Variants in CDC27 observed in about 807,000 individuals in gnomAD.
CDC27 encodes cell division cycle 27.
A neutral mutation model predicts 109.7 loss-of-function variants in CDC27; 27 were observed. The observed-to-expected ratio is 0.25, with a 90% CI of 0.18 to 0.34. CDC27 has a LOEUF of 0.34. Ranked by LOEUF, CDC27 falls within the 10% of genes least tolerant of loss-of-function variation. The probability of loss-of-function intolerance (pLI) is 1.00; values close to 1 mark genes in which losing one functional copy is unlikely to be tolerated. For synonymous variants in CDC27, 266 were observed against 333.9 expected (o/e 0.80, Z 2.22); for missense variants, 579 against 960.2 (o/e 0.60, Z 5.25).
chr17:47,133,700 T>C (rs991062864), intron 14 of CDC27, among the ~76,000 whole-genome samples: 4 of 152,076 alleles, frequency 2.6e-5, no homozygotes, highest in African/African-American at 9.7e-5. Context: ...GGCCTCGGCC[T>C]CCCAAAGTGG....
chr17:47,170,167 T>A, intron 3 of CDC27, 125 bp from the exon 4 acceptor site: 1 of 587,716 alleles, frequency 1.7e-6, no homozygotes, highest in Non-Finnish European at 2.8e-6. Flanking sequence ...CTCTCTTTCC[T>A]TTTCCTTCCT....
intron 2 of CDC27, among the ~76,000 whole-genome samples, chr17:47,174,774 G>T (rs1326457063): frequency 6.6e-6 from 1 of 152,126 alleles, no homozygotes; most frequent in African/African-American, 2.4e-5. Context: ...TGGCCAACAT[G>T]GTGAAACCCC....
chr17:47,133,026 TATAC>T lies in CDC27; in HGVS notation c.1914-656_1914-653del, dbSNP rs1482424599. Among the ~76,000 whole-genome samples the T allele has an allele frequency of 3.6e-3, 115 of 32,356 alleles. 1 individual carries two copies. The highest frequency in any genetic ancestry group is 4.2e-3 in the Non-Finnish European group (73 of 17,188). The allele number at this position is 32,356 out of a possible 152,430, so 21.2% of individuals were successfully genotyped here. On this transcript the variant is annotated intron_variant, in intron 14 of 18. Transcript: ENST00000066544. ...ATATATATATATATATATATATATA[TATAC>T]ACACACACACACACACACACACACA...
At chr17:47,130,130 G>A (rs925387239) in intron 15 of CDC27, among the ~76,000 whole-genome samples, 5 of 152,274 alleles carry the variant, frequency 3.3e-5, no homozygotes, top group Middle Eastern at 6.8e-3. Context: ...GGGAGGCCAA[G>A]GCAGGTGGAT....
intron 18 of CDC27, among the ~76,000 whole-genome samples, chr17:47,121,318 A>T (rs955695113): frequency 1.3e-5 from 2 of 152,166 alleles, no homozygotes; most frequent in Non-Finnish European, 2.9e-5. Flanking sequence ...ACATTAAAAA[A>T]AAAAAATTGA....
intron 9 of CDC27, among the ~76,000 whole-genome samples, chr17:47,145,046 A>G (rs1239405817): frequency 6.6e-6 from 1 of 152,176 alleles, no homozygotes; most frequent in African/African-American, 2.4e-5. Flanking sequence ...AATCATCTCT[A>G]AAAAAACTTT....
chr17:47,175,039 G>GAGGAAGGA (rs71138592), intron 2 of CDC27, among the ~76,000 whole-genome samples: 2,781 of 129,802 alleles, frequency 0.021, 29 homozygotes, highest in Non-Finnish European at 0.024. Context: ...AAGAGAGAGA[G>GAGGAAGGA]AGGAAGGAAG....
intron 16 of CDC27, among the ~76,000 whole-genome samples, chr17:47,128,222 G>C (rs2062208824): frequency 6.6e-6 from 1 of 152,080 alleles, no homozygotes; most frequent in Non-Finnish European, 1.5e-5. Flanking sequence ...GTAGAGATGG[G>C]GTTTCACCCT....
intron 4 of CDC27, chr17:47,159,622 G>C (rs1284895665): frequency 3.0e-5 from 14 of 465,140 alleles, no homozygotes; most frequent in East Asian, 2.2e-4. Context: ...TGGCCCTGCA[G>C]ATGGCAGTGG....
chr17:47,151,212 C>T (rs1041594743), intron 9 of CDC27, among the ~76,000 whole-genome samples: 1 of 152,190 alleles, frequency 6.6e-6, no homozygotes, highest in Non-Finnish European at 1.5e-5. Context: ...TTAGACTTAC[C>T]ATTCTGGGAG....
At chr17:47,133,126 TATATATATATA>T (rs2062441044) in intron 14 of CDC27, among the ~76,000 whole-genome samples, 2 of 133,658 alleles carry the variant, frequency 1.5e-5, no homozygotes, top group African/African-American at 2.8e-5. Flanking sequence ...TATATATATA[TATATATATATA>T]ATATATATGT....
chr17:47,169,645 C>CAAA (rs373074410), intron 4 of CDC27, among the ~76,000 whole-genome samples: 1 of 60,142 alleles, frequency 1.7e-5, no homozygotes, highest in East Asian at 5.4e-4. Context: ...AACTCCATCT[C>CAAA]AAAAAAAAAA....
intron 15 of CDC27, among the ~76,000 whole-genome samples, chr17:47,130,803 G>A (rs1448183591): frequency 1.3e-5 from 2 of 151,912 alleles, no homozygotes; most frequent in Admixed American, 6.6e-5. Context: ...CTTGAACCTG[G>A]GAGGTGGAGG....
intron 2 of CDC27, among the ~76,000 whole-genome samples, chr17:47,174,597 T>C (rs1344198289): frequency 6.7e-6 from 1 of 149,102 alleles, no homozygotes; most frequent in Non-Finnish European, 1.5e-5. Flanking sequence ...AAATCAATCG[T>C]GTACTAGTTA....
rs370828137 is a variant in CDC27 at position 47,120,988 on chromosome 17, T to C, written c.2422A>G (p.Met808Val). The C allele has an allele frequency of 2.0e-5, 32 of 1,612,830 alleles. No individual in the cohort carries two copies. The highest frequency in any genetic ancestry group is 2.7e-5 in the Non-Finnish European group (32 of 1,179,380). The change falls in exon 19 of 19, where the codon ATG becomes GTG. Residue 808 changes from methionine (M) to valine (V), a missense_variant. By Grantham distance (21) the Met-to-Val change is conservative. This residue lies in a region of CDC27 where 227 missense variants were observed against 363.6 expected (regional missense o/e 0.62). Transcript: ENST00000066544. ...AGTTGTGTGTCATCCGCATCTGTCATGCTGCTCTCCTGGGATTCATCTGTT... is the reference window on the plus strand; with the variant it reads ...AGTTGTGTGTCATCCGCATCTGTCACGCTGCTCTCCTGGGATTCATCTGTT... Reference protein sequence around the residue: ...MGTDESQESSMTDADDTQLHA... With the variant: ...MGTDESQESSVTDADDTQLHA...
intron 16 of CDC27, among the ~76,000 whole-genome samples, chr17:47,124,408 C>T (rs1442267636): frequency 3.9e-5 from 6 of 152,064 alleles, no homozygotes; most frequent in Non-Finnish European, 5.9e-5. Flanking sequence ...CTCAGCCTCC[C>T]GCGTAACTGG....
At chr17:47,135,950 C>T (rs1568380347) in intron 14 of CDC27, among the ~76,000 whole-genome samples, 1 of 152,030 alleles carries the variant, frequency 6.6e-6, no homozygotes, top group Non-Finnish European at 1.5e-5. Flanking sequence ...ACCATCCTGG[C>T]TAACATGGTG....
intron 13 of CDC27, among the ~76,000 whole-genome samples, chr17:47,137,805 C>CTTT (rs11464067): frequency 1.4e-5 from 2 of 144,438 alleles, no homozygotes; most frequent in Non-Finnish European, 1.5e-5. Flanking sequence ...CATTCTCTCT[C>CTTT]TTTTTTTTTT....
intron 18 of CDC27, among the ~76,000 whole-genome samples, chr17:47,121,684 C>T (rs1191312185): frequency 6.6e-6 from 1 of 152,032 alleles, no homozygotes; most frequent in African/African-American, 2.4e-5. Flanking sequence ...CCTCCCACCT[C>T]AGCCTCCTGA....
Sources: allele counts gnomAD v4.1 joint callset (sites outside exome capture counted in the v4.1 genomes callset), GRCh38; gene constraint gnomAD v4.1.1; regional missense constraint gnomAD v4.1.1; transcripts MANE v1.5; gene names NCBI Gene and HGNC (gene_info 2026-07-23, HGNC 2026-07-21).